The following ZYG11B variants were observed in gnomAD, a reference collection of about 807,000 sequenced individuals.
ZYG11B encodes zyg-11 family member B, cell cycle regulator.
A neutral mutation model predicts 82.4 loss-of-function variants in ZYG11B; 36 were observed. The ratio of observed to expected loss-of-function variants is 0.44; its 90% CI spans 0.33 to 0.58. The LOEUF (loss-of-function observed/expected upper bound fraction) is 0.58, where lower values mean the gene tolerates loss of function less well. Ranked by LOEUF, ZYG11B falls within the 20% of genes least tolerant of loss-of-function variation. The probability of loss-of-function intolerance (pLI) is 0.02; values close to 1 mark genes in which losing one functional copy is unlikely to be tolerated. For missense variants in ZYG11B, 552 were observed against 895.6 expected (o/e 0.62, Z 4.90); for synonymous variants, 303 against 312.8 (o/e 0.97, Z 0.33).
intron 2 of ZYG11B, among the ~76,000 whole-genome samples, chr1:52,762,068 C>T (rs1415191132): frequency 6.6e-6 from 1 of 152,032 alleles, no homozygotes; most frequent in Admixed American, 6.6e-5. Flanking sequence ...ATATTAATCC[C>T]CTGTCAGCTG....
intron 1 of ZYG11B, among the ~76,000 whole-genome samples, chr1:52,742,991 G>A (rs1413964109): frequency 6.6e-6 from 1 of 151,820 alleles, no homozygotes; most frequent in East Asian, 1.9e-4. Context: ...GGGCGCCTCT[G>A]CCCGGCCGCC....
chr1:52,757,457 C>A (rs957041889), intron 2 of ZYG11B, among the ~76,000 whole-genome samples: 7 of 151,906 alleles, frequency 4.6e-5, no homozygotes, highest in Non-Finnish European at 1.0e-4. Flanking sequence ...AGGTGAATCA[C>A]CTGAGGTCAG....
chr1:52,772,256 T>G, intron 3 of ZYG11B: 1 of 1,318,420 alleles, frequency 7.6e-7, no homozygotes, highest in East Asian at 2.3e-5. Context: ...AGGACTCGCT[T>G]GGTCTTATAA....
At chr1:52,765,190 C>A (rs1008078506) in intron 2 of ZYG11B, among the ~76,000 whole-genome samples, 2 of 150,400 alleles carry the variant, frequency 1.3e-5, no homozygotes, top group African/African-American at 4.9e-5. Flanking sequence ...TCCAGCCTAT[C>A]TTTTTTTTTA....
intron 1 of ZYG11B, among the ~76,000 whole-genome samples, chr1:52,739,632 G>T (rs980346227): frequency 6.7e-6 from 1 of 150,096 alleles, no homozygotes; most frequent in African/African-American, 2.4e-5. Context: ...ATTTTAATTT[G>T]TTTTTTTTTG....
chr1:52,777,576 G>C (rs1644820524), intron 3 of ZYG11B, among the ~76,000 whole-genome samples: 1 of 152,094 alleles, frequency 6.6e-6, no homozygotes, highest in Non-Finnish European at 1.5e-5. Flanking sequence ...AAGTAGCTGG[G>C]ACTACAGGCA....
In ZYG11B at chr1:52,823,755, CAGA is replaced by C. The variant is rs1186839285; in HGVS notation, c.*2128_*2130del. Reference sequence around the variant, plus strand: ...GGTTTTTGTCTTTACAAATTATTTTCAGAAATGGCTAAAAGTGTACAGAAAACA... The same window carrying C: ...GGTTTTTGTCTTTACAAATTATTTTCAATGGCTAAAAGTGTACAGAAAACA... On this transcript the variant is annotated 3_prime_UTR_variant, in exon 14 of 14. Transcript: ENST00000294353. 2 of 152,136 alleles carry C rather than the reference CAGA, an allele frequency of 1.3e-5. No individual in the cohort carries two copies. Among genetic ancestry groups the C allele is most frequent in the Admixed American group, 6.5e-5 (1 of 15,276 alleles). 9.4% of individuals were successfully genotyped at this position (152,136 alleles called of 1,614,324 possible).
At chr1:52,783,805 T>TATATATACACACAC (rs74185908) in intron 4 of ZYG11B, among the ~76,000 whole-genome samples, 4 of 135,002 alleles carry the variant, frequency 3.0e-5, no homozygotes, top group African/African-American at 1.1e-4. Flanking sequence ...TATATATATA[T>TATATATACACACAC]ACACACACAC....
intron 10 of ZYG11B, among the ~76,000 whole-genome samples, chr1:52,803,121 CACATATATATATACACACATAT>C (rs1645096855): frequency 3.8e-5 from 2 of 52,542 alleles, no homozygotes; most frequent in African/African-American, 2.0e-4. Flanking sequence ...TATATATACA[CACATATATATATACACACATAT>C]ATATATATAT....
At chr1:52,803,223 TACACACATATATATATACACAC>T (rs1645105646) in intron 10 of ZYG11B, among the ~76,000 whole-genome samples, 3 of 71,946 alleles carry the variant, frequency 4.2e-5, no homozygotes, top group East Asian at 1.9e-3. Context: ...TATATATATA[TACACACATATATATATACACAC>T]ACACATATAT....
intron 5 of ZYG11B, 21 bp from the exon 6 acceptor site, chr1:52,789,982 T>C: frequency 6.5e-7 from 1 of 1,549,722 alleles, no homozygotes; most frequent in Non-Finnish European, 8.8e-7. Context: ...TTAGGATTTT[T>C]TTCTTCCTTT....
intron 6 of ZYG11B, among the ~76,000 whole-genome samples, chr1:52,794,656 G>T (rs1004365264): frequency 4.6e-5 from 7 of 152,116 alleles, no homozygotes; most frequent in African/African-American, 7.2e-5. Context: ...AGAAGGCAGT[G>T]ATCAATGTGT....
intron 12 of ZYG11B, among the ~76,000 whole-genome samples, chr1:52,814,731 A>C (rs1571801785): frequency 6.8e-6 from 1 of 147,382 alleles, no homozygotes; most frequent in African/African-American, 2.5e-5. Context: ...ACACACACAC[A>C]CCTTTCAGAG....
At chr1:52,749,029 C>T (rs1333778111) in intron 1 of ZYG11B, among the ~76,000 whole-genome samples, 9 of 151,802 alleles carry the variant, frequency 5.9e-5, no homozygotes, top group Non-Finnish European at 8.8e-5. Flanking sequence ...GATGAAACCC[C>T]GTTTCTACTA....
intron 13 of ZYG11B, among the ~76,000 whole-genome samples, chr1:52,817,796 T>C (rs1267079604): frequency 1.9e-5 from 1 of 52,862 alleles, no homozygotes; most frequent in Non-Finnish European, 4.6e-5. Flanking sequence ...TATATATATA[T>C]ATATATATAT....
In ZYG11B at chr1:52,771,867, C is replaced by A. The variant is rs1644754736; in HGVS notation, c.951+93C>A. ...AGATGAATGTCTGTAATATATGGAA[C>A]ATGTTCATGAAACAGGGCTGCATAT... is the stretch of plus-strand genomic sequence containing the variant. On this transcript the variant is annotated intron_variant, in intron 3 of 13. Transcript: ENST00000294353. The surrounding 1 kb of genome is among the most constrained non-coding windows in gnomAD (Gnocchi z 5.4). 2 of 1,413,976 alleles carry A rather than the reference C, an allele frequency of 1.4e-6. No homozygotes were observed. The highest frequency in any genetic ancestry group is 1.4e-5 in the African/African-American group (1 of 69,602). 87.6% of individuals were successfully genotyped at this position (1,413,976 alleles called of 1,614,324 possible). A position where few individuals can be genotyped will look rare whatever the true frequency, so the allele number is the denominator to read the frequency against.
intron 4 of ZYG11B, among the ~76,000 whole-genome samples, chr1:52,781,918 T>C (rs1379017742): frequency 6.6e-6 from 1 of 152,098 alleles, no homozygotes; most frequent in Non-Finnish European, 1.5e-5. Flanking sequence ...TGGCACTTGG[T>C]ATATGAATTG....
chr1:52,817,788 TATATATATATATATATATATATATATA>T (rs1310655327), intron 13 of ZYG11B, among the ~76,000 whole-genome samples: 1 of 29,990 alleles, frequency 3.3e-5, no homozygotes, highest in African/African-American at 1.4e-4. Flanking sequence ...TATATATATA[TATATATATATATATATATATATATATA>T]TTTTTTTTTT....
chr1:52,739,946 C>T (rs960297608), intron 1 of ZYG11B, among the ~76,000 whole-genome samples: 1 of 152,142 alleles, frequency 6.6e-6, no homozygotes, highest in Non-Finnish European at 1.5e-5. Context: ...ATTTATTCCT[C>T]ATTACTATTT....
Sources: gnomAD v4.1 joint callset for allele counts (sites outside exome capture counted in the v4.1 genomes callset) on GRCh38, gnomAD v4.1.1 for gene constraint, Gnocchi (gnomAD v3.1) non-coding constraint, MANE v1.5 for transcripts, NCBI Gene and HGNC (gene_info 2026-07-23, HGNC 2026-07-21) for gene names.